Variants in DCUN1D4 observed in about 807,000 individuals in gnomAD.
The protein encoded by DCUN1D4 is defective in cullin neddylation 1 domain containing 4, also known as DCN1-like protein 4.
In DCUN1D4, 22 loss-of-function variants were observed where a neutral mutation model predicts 47.9. That is an observed-to-expected ratio of 0.46 (90% CI 0.33 to 0.66). The LOEUF (loss-of-function observed/expected upper bound fraction) is 0.66. DCUN1D4 is among the 30% of genes least tolerant of loss of function. The pLI is 0.02. For missense variants in DCUN1D4, 301 were observed against 340.8 expected (o/e 0.88, Z 0.92); for synonymous variants, 121 against 112.2 (o/e 1.08, Z -0.50).
chr4:51,846,152 C>A (rs1307595385), intron 1 of DCUN1D4, among the ~76,000 whole-genome samples: 1 of 152,186 alleles, frequency 6.6e-6, no homozygotes, highest in Non-Finnish European at 1.5e-5. Flanking sequence ...TAGCCCACCT[C>A]CCTCCATTCC....
At chr4:51,847,551 G>A (rs781634183) in intron 1 of DCUN1D4, among the ~76,000 whole-genome samples, 24 of 151,854 alleles carry the variant, frequency 1.6e-4, no homozygotes, top group Non-Finnish European at 4.4e-5. Context: ...CATACCTATT[G>A]CCATGGCCTT....
intron 1 of DCUN1D4, chr4:51,844,903 C>G: frequency 1.0e-6 from 1 of 985,386 alleles, no homozygotes; most frequent in Non-Finnish European, 1.2e-6. Flanking sequence ...GTGCTTTATT[C>G]CCCGGCCAGC....
chr4:51,856,506 A>G (rs1577862840), intron 1 of DCUN1D4, among the ~76,000 whole-genome samples: 2 of 152,216 alleles, frequency 1.3e-5, no homozygotes, highest in African/African-American at 4.8e-5. Context: ...TTGCTTGTTG[A>G]CAGCTTTGGT....
At chr4:51,854,099 A>C (rs1261797130) in intron 1 of DCUN1D4, among the ~76,000 whole-genome samples, 1 of 152,250 alleles carries the variant, frequency 6.6e-6, no homozygotes, top group Non-Finnish European at 1.5e-5. Context: ...CTAGATTTAC[A>C]GTATAGAAAA....
Position 51,911,106 on chromosome 4 carries a change from A to G in DCUN1D4, c.652A>G (p.Lys218Glu). The stretch of plus-strand genomic sequence containing the variant: ...GCGCAGCCTAGACATAAACACTGCC[A>G]AGTGCATGTTGGGACTGTTATTAGG... ...DQRSLDINTAKCMLGLLLGKI... is the reference protein window; with the variant it reads ...DQRSLDINTAECMLGLLLGKI... The change falls in exon 9 of 11, where the codon AAG becomes GAG. Residue 218 changes from lysine (K) to glutamate (E), a missense_variant. Lys to Glu is a moderately conservative substitution (Grantham distance 56, BLOSUM62 1). Transcript: ENST00000334635. The G allele has an allele frequency of 6.2e-7, 1 of 1,613,568 alleles. No individual in the cohort carries two copies. Among genetic ancestry groups the G allele is most frequent in the South Asian group, 1.1e-5 (1 of 90,956 alleles).
chr4:51,883,499 G>A (rs969197225), intron 5 of DCUN1D4, among the ~76,000 whole-genome samples: 3 of 152,140 alleles, frequency 2.0e-5, no homozygotes, highest in Admixed American at 1.3e-4. Flanking sequence ...GTGATAAAAT[G>A]CTAAATGTCG....
chr4:51,872,094 G>A (rs564963322), intron 3 of DCUN1D4, among the ~76,000 whole-genome samples: 2 of 152,302 alleles, frequency 1.3e-5, no homozygotes, highest in East Asian at 1.9e-4. Flanking sequence ...GTTTTGTGCC[G>A]AAGGAGCAGG....
rs568440632 is a variant in DCUN1D4 at position 51,874,425 on chromosome 4, A to G, written c.251+40A>G. On this transcript the variant is annotated intron_variant, in intron 4 of 10. Coordinates refer to ENST00000334635, the MANE Select transcript of DCUN1D4 (RefSeq NM_001040402.3). ...CAGTAGATCAGAATCAGTGATACAT[A>G]TGTCGAAGATGCACATTTCTACCTA... is the stretch of plus-strand genomic sequence containing the variant. The G allele has an allele frequency of 5.5e-6, 8 of 1,448,248 alleles. No individual in the cohort carries two copies. In the South Asian group the frequency reaches 7.2e-5, roughly 13 times the overall value. 89.7% of individuals were successfully genotyped at this position (1,448,248 alleles called of 1,614,324 possible).
intron 8 of DCUN1D4, among the ~76,000 whole-genome samples, chr4:51,906,160 A>G (rs1290070261): frequency 1.3e-5 from 2 of 152,146 alleles, no homozygotes; most frequent in African/African-American, 4.8e-5. Flanking sequence ...ATCTTGTGGC[A>G]GGTTAGAGAG....
At chr4:51,881,979 G>C (rs1728715448) in intron 5 of DCUN1D4, among the ~76,000 whole-genome samples, 1 of 152,136 alleles carries the variant, frequency 6.6e-6, no homozygotes, top group Admixed American at 6.5e-5. Context: ...ACCAGCCTGG[G>C]CAATATAGTG....
chr4:51,834,189 G>GAAC, the DCUN1D4 span, among the ~76,000 whole-genome samples: 1 of 140,712 alleles, frequency 7.1e-6, no homozygotes. Flanking sequence ...CCCTAACCGA[G>GAAC]AACAGCAAGC....
chr4:51,887,517 T>C (rs779921629), intron 6 of DCUN1D4, among the ~76,000 whole-genome samples: 47 of 152,344 alleles, frequency 3.1e-4, no homozygotes, highest in Admixed American at 1.0e-3. Flanking sequence ...TTTTTTCTGT[T>C]CCTACATCAC....
upstream of DCUN1D4, among the ~76,000 whole-genome samples, chr4:51,841,031 T>C (rs1577787936): frequency 6.6e-6 from 1 of 152,224 alleles, no homozygotes; most frequent in Admixed American, 6.5e-5. Flanking sequence ...CAGGCCAGTG[T>C]TGGGAGCTGG....
chr4:51,890,840 C>T (rs1239851045), intron 6 of DCUN1D4, among the ~76,000 whole-genome samples: 1 of 152,214 alleles, frequency 6.6e-6, no homozygotes, highest in East Asian at 1.9e-4. Flanking sequence ...AACTCACCAT[C>T]AGTTCCCTGT....
the DCUN1D4 span, among the ~76,000 whole-genome samples, chr4:51,833,958 A>T: frequency 1.3e-5 from 2 of 150,170 alleles, no homozygotes; most frequent in South Asian, 2.2e-4. Context: ...CAAGAGTAGA[A>T]GGGGGGAGAT....
chr4:51,906,983 G>A (rs1408906983), intron 8 of DCUN1D4, among the ~76,000 whole-genome samples: 1 of 152,314 alleles, frequency 6.6e-6, no homozygotes, highest in African/African-American at 2.4e-5. Context: ...TTTACTAATA[G>A]AGGTGAAATG....
chr4:51,888,538 C>T (rs532363117), intron 6 of DCUN1D4, among the ~76,000 whole-genome samples: 30 of 150,898 alleles, frequency 2.0e-4, no homozygotes, highest in African/African-American at 5.6e-4. Context: ...GTCAGCAGTT[C>T]GAGACCAGCC....
At chr4:51,905,600 G>A (rs943754877) in intron 8 of DCUN1D4, among the ~76,000 whole-genome samples, 6 of 152,136 alleles carry the variant, frequency 3.9e-5, no homozygotes, top group African/African-American at 1.4e-4. Flanking sequence ...AACAAGATTA[G>A]ATGAAGAGAA....
intron 1 of DCUN1D4, among the ~76,000 whole-genome samples, chr4:51,854,100 G>A (rs933914808): frequency 6.6e-6 from 1 of 152,142 alleles, no homozygotes; most frequent in African/African-American, 2.4e-5. Flanking sequence ...TAGATTTACA[G>A]TATAGAAAAC....
Sources: allele counts gnomAD v4.1 joint callset (sites outside exome capture counted in the v4.1 genomes callset), GRCh38; gene constraint gnomAD v4.1.1; transcripts MANE v1.5; gene names NCBI Gene and HGNC (gene_info 2026-07-23, HGNC 2026-07-21).